Variants in SP6 observed in about 807,000 individuals in gnomAD.
SP6 encodes transcription factor Sp6.
In SP6, 10 loss-of-function variants were observed where a neutral mutation model predicts 23.4. The ratio of observed to expected loss-of-function variants is 0.43; its 90% confidence interval spans 0.26 to 0.72. The LOEUF (loss-of-function observed/expected upper bound fraction) is 0.72, where lower values mean the gene tolerates loss of function less well. SP6 is among the 30% of genes least tolerant of loss of function. The probability of loss-of-function intolerance (pLI) is 0.23; values close to 1 mark genes in which losing one functional copy is unlikely to be tolerated. For synonymous variants in SP6, 238 were observed against 238.7 expected (o/e 1.00, Z 0.03); for missense variants, 482 against 523.8 (o/e 0.92, Z 0.78).
At chr17:47,867,441 T>G in the SP6 span, among the ~76,000 whole-genome samples, 82 of 152,334 alleles carry the variant, frequency 5.4e-4, 1 homozygote, top group African/African-American at 1.6e-3. Context: ...TGGCTAGGCC[T>G]GAAATACCTC....
chr17:47,846,407 A>C lies in SP6; in HGVS notation c.*892T>G, dbSNP rs2033885225. On this transcript the variant is annotated 3_prime_UTR_variant, in exon 2 of 2. Coordinates refer to ENST00000536300, the MANE Select transcript of SP6 (RefSeq NM_001258248.2). The stretch of plus-strand genomic sequence containing the variant: ...GGATTCTACCGCTGGCTGCCTTGAA[A>C]ACACACCTAGGGTAATAGATGGGGA... The C allele has an allele frequency of 6.6e-6, 1 of 152,212 alleles. No homozygotes were observed. The highest frequency in any genetic ancestry group is 1.5e-5 in the Non-Finnish European group (1 of 68,052). 9.4% of individuals were successfully genotyped at this position (152,212 alleles called of 1,614,324 possible).
chr17:47,852,736 C>T (rs2033970274), upstream of SP6, among the ~76,000 whole-genome samples: 1 of 152,110 alleles, frequency 6.6e-6, no homozygotes, highest in South Asian at 2.1e-4. Context: ...CTCAGACACG[C>T]ACACGTTCTT....
In SP6 at chr17:47,848,376, G is replaced by T. The variant is rs771405562; in HGVS notation, c.54C>A (p.His18Gln). The T allele has an allele frequency of 4.5e-6, 7 of 1,567,674 alleles. No individual in the cohort carries two copies. In the South Asian group the frequency reaches 5.8e-5, roughly 13 times the overall value. ...SLGSQHTEAP[H>Q]ASPPRLDLQP... ...GCAGGTCGAGGCGCGGCGGGGAGGC[G>T]TGCGGCGCTTCCGTGTGCTGGCTGC... Residue 18 changes from histidine (H) to glutamine (Q), a missense_variant, in exon 2 of 2, where the codon CAC becomes CAA. Coordinates refer to ENST00000536300, the MANE Select transcript of SP6 (RefSeq NM_001258248.2). The surrounding 1 kb of genome is among the most constrained non-coding windows in gnomAD (Gnocchi z 5.3).
At chr17:47,866,148 C>G in the SP6 span, among the ~76,000 whole-genome samples, 32 of 152,190 alleles carry the variant, frequency 2.1e-4, no homozygotes, top group Admixed American at 5.9e-4. Context: ...GGTTCCTGTC[C>G]CTGAGGAGCA....
chr17:47,867,066 G>A, the SP6 span, among the ~76,000 whole-genome samples: 1 of 152,180 alleles, frequency 6.6e-6, no homozygotes, highest in Non-Finnish European at 1.5e-5. Context: ...CGGCCGGCTG[G>A]GACGTACACA....
At chr17:47,857,583 A>G (rs1052963589), upstream of SP6, among the ~76,000 whole-genome samples, 1 of 152,128 alleles carries the variant, frequency 6.6e-6, no homozygotes, top group Non-Finnish European at 1.5e-5. Context: ...CCTCTGGATC[A>G]GTCAGGGGTG....
At chr17:47,863,450 C>G in the SP6 span, 1 of 149,052 alleles carries the variant, frequency 6.7e-6, no homozygotes. Context: ...AATGGAAGGA[C>G]GAATAGATGA....
In SP6 at chr17:47,847,012, G is replaced by C. The variant is rs1275906905; in HGVS notation, c.*287C>G. 3 of 434,894 alleles carry C rather than the reference G, an allele frequency of 6.9e-6. No individual in the cohort carries two copies. The highest frequency in any genetic ancestry group is 4.2e-5 in the South Asian group (1 of 23,534). 26.9% of individuals were successfully genotyped at this position (434,894 alleles called of 1,614,324 possible). ...TCCCCGCCAGCCAGCCGCGGTACGGGTGTCCCACCCCAACCCCCCAGCCCA... is the reference window on the plus strand; with the variant it reads ...TCCCCGCCAGCCAGCCGCGGTACGGCTGTCCCACCCCAACCCCCCAGCCCA... On this transcript the variant is annotated 3_prime_UTR_variant, in exon 2 of 2. Coordinates refer to ENST00000536300, the MANE Select transcript of SP6 (RefSeq NM_001258248.2).
At chr17:47,874,564 T>C in the SP6 span, among the ~76,000 whole-genome samples, 7 of 152,140 alleles carry the variant, frequency 4.6e-5, no homozygotes, top group Non-Finnish European at 8.8e-5. Context: ...AACAATTCCC[T>C]TCAGGAGGCC....
At position 47,847,710 on chromosome 17, in the gene SP6, C is replaced by T. The variant is rs2033904408; in HGVS notation, c.720G>A (p.Gly240=). 6.2e-7 allele frequency: 1 copy of T among 1,601,904 alleles called. No homozygotes were observed. Residue 240 remains glycine (G), a synonymous_variant, in exon 2 of 2, where the codon GGG becomes GGA. Coordinates refer to ENST00000536300, the MANE Select transcript of SP6 (RefSeq NM_001258248.2). ...CPNCLEAERL[G]APCGPDGGKK... ...TGCCCCCATCGGGCCCACATGGAGC[C>T]CCCAGTCGCTCCGCCTCCAGACAGT...
chr17:47,854,616 C>G (rs904555329), upstream of SP6, among the ~76,000 whole-genome samples: 1 of 152,218 alleles, frequency 6.6e-6, no homozygotes, highest in Non-Finnish European at 1.5e-5. Context: ...AATGGACAAA[C>G]TGATCCCATC....
the SP6 span, among the ~76,000 whole-genome samples, chr17:47,876,057 T>C: frequency 6.6e-6 from 1 of 152,190 alleles, no homozygotes; most frequent in Non-Finnish European, 1.5e-5. Flanking sequence ...TTAGAGTGTT[T>C]CTGTGAGTAC....
the SP6 span, among the ~76,000 whole-genome samples, chr17:47,863,584 T>TTTTTG: frequency 8.1e-5 from 12 of 147,648 alleles, no homozygotes; most frequent in Non-Finnish European, 1.6e-4. Flanking sequence ...TTTTTTTTTT[T>TTTTTG]TGAGACAGAG....
At chr17:47,867,960 G>A in the SP6 span, among the ~76,000 whole-genome samples, 1 of 152,094 alleles carries the variant, frequency 6.6e-6, no homozygotes, top group Admixed American at 6.5e-5. Context: ...CTCCCGAACA[G>A]AGCATGACAT....
At chr17:47,856,477 T>G (rs369577998), upstream of SP6, among the ~76,000 whole-genome samples, 175 of 151,486 alleles carry the variant, frequency 1.2e-3, 1 homozygote, top group African/African-American at 4.1e-3. Flanking sequence ...TCCAGGAGGG[T>G]GAAGAGGGTA....
upstream of SP6, among the ~76,000 whole-genome samples, chr17:47,856,810 C>T (rs2034001509): frequency 6.6e-6 from 1 of 151,864 alleles, no homozygotes; most frequent in Non-Finnish European, 1.5e-5. Flanking sequence ...GCAGTTGTAC[C>T]CCCTCTACAC....
rs2033892884 is a variant in SP6 at position 47,847,039 on chromosome 17, G to C, written c.*260C>G. 1 of 498,090 alleles carries C rather than the reference G, an allele frequency of 2.0e-6. No homozygotes were observed. Among genetic ancestry groups the C allele is most frequent in the Admixed American group, 3.7e-5 (1 of 26,734 alleles). 30.9% of individuals were successfully genotyped at this position (498,090 alleles called of 1,614,324 possible). On this transcript the variant is annotated 3_prime_UTR_variant, in exon 2 of 2. Transcript: ENST00000536300. ...GTCCCACCCCAACCCCCCAGCCCAG[G>C]GGCGAGGGAAACTGTGAGGCAGGGG...
At chr17:47,875,046 CA>C in the SP6 span, among the ~76,000 whole-genome samples, 29 of 152,120 alleles carry the variant, frequency 1.9e-4, no homozygotes, top group African/African-American at 6.8e-4. Context: ...CTGCCACCAC[CA>C]GGGGGGCAGC....
At chr17:47,870,952 C>T in the SP6 span, among the ~76,000 whole-genome samples, 35 of 152,194 alleles carry the variant, frequency 2.3e-4, no homozygotes, top group African/African-American at 8.4e-4. Flanking sequence ...CCCCCAAACT[C>T]ATCCTCCCTA....
Sources: allele counts gnomAD v4.1 joint callset (sites outside exome capture counted in the v4.1 genomes callset), GRCh38; gene constraint gnomAD v4.1.1; non-coding constraint Gnocchi (gnomAD v3.1); transcripts MANE v1.5; gene names NCBI Gene and HGNC (gene_info 2026-07-23, HGNC 2026-07-21).